SLCO1B3: variants seen among roughly 807,000 people sequenced by gnomAD.
SLCO1B3 encodes liver-specific organic anion transporter 2.
SLCO1B3 carries 72 observed loss-of-function variants against 71.8 expected under a neutral mutation model. The ratio of observed to expected loss-of-function variants is 1.00; its 90% CI spans 0.83 to 1.22. SLCO1B3 has a LOEUF of 1.22. Ranked by LOEUF, SLCO1B3 falls within the 50% of genes most tolerant of loss-of-function variation. The pLI is 0.00. For missense variants in SLCO1B3, 911 were observed against 819.7 expected, an observed-to-expected ratio of 1.11 and a Z score of -1.36; for synonymous variants, 298 against 278.4, an observed-to-expected ratio of 1.07 and a Z score of -0.70.
chr12:20,880,742 C>G (rs550060923), intron 11 of SLCO1B3, 113 bp from the exon 12 acceptor site: 41 of 607,986 alleles, frequency 6.7e-5, no homozygotes, highest in Middle Eastern at 9.3e-4. Flanking sequence ...CTCTTTTCCT[C>G]TTCTCTTCCT....
In SLCO1B3 at chr12:20,898,425, T is replaced by G; in HGVS notation, c.1683-11T>G. On this transcript the variant is annotated splice_polypyrimidine_tract_variant and intron_variant, in intron 13 of 15. Coordinates refer to ENST00000381545, the MANE Select transcript of SLCO1B3 (RefSeq NM_019844.4). ...GACATGTATTATTTCTTTGCCTTTA[T>G]CATATTTCAGGATTGTTCAACCTGA... The G allele has an allele frequency of 6.4e-7, 1 of 1,573,482 alleles. No individual in the cohort carries two copies.
At chr12:20,825,996 G>A (rs970259680) in intron 3 of SLCO1B3, among the ~76,000 whole-genome samples, 4 of 151,942 alleles carry the variant, frequency 2.6e-5, no homozygotes, top group Non-Finnish European at 5.9e-5. Flanking sequence ...TGTTAGACAA[G>A]TTAACAAAAA....
intron 3 of SLCO1B3, among the ~76,000 whole-genome samples, chr12:20,821,732 C>T (rs1033688881): frequency 5.9e-5 from 9 of 152,070 alleles, no homozygotes; most frequent in African/African-American, 1.4e-4. Flanking sequence ...GCGGGACTTG[C>T]GGCTAAGGGT....
chr12:20,839,271 TG>T (rs1452933347), intron 3 of SLCO1B3, among the ~76,000 whole-genome samples: 3 of 152,080 alleles, frequency 2.0e-5, no homozygotes, highest in Non-Finnish European at 1.5e-5. Flanking sequence ...TCTGTTTTTA[TG>T]AAGTTTTGAG....
intron 3 of SLCO1B3, among the ~76,000 whole-genome samples, chr12:20,849,892 A>G (rs2121204364): frequency 6.6e-6 from 1 of 151,972 alleles, no homozygotes; most frequent in South Asian, 2.1e-4. Flanking sequence ...ACTATAAAAC[A>G]TTGCTTAAAA....
chr12:20,872,352 G>T (rs1865491518), intron 8 of SLCO1B3, among the ~76,000 whole-genome samples: 1 of 150,796 alleles, frequency 6.6e-6, no homozygotes, highest in Non-Finnish European at 1.5e-5. Context: ...GCCCAGGGCA[G>T]GTCTAGAAAT....
chr12:20,829,958 T>A (rs978794796), intron 3 of SLCO1B3, among the ~76,000 whole-genome samples: 1 of 152,186 alleles, frequency 6.6e-6, no homozygotes, highest in African/African-American at 2.4e-5. Context: ...GGCCAGCTCC[T>A]TTACTGCAAC....
chr12:20,879,683 A>G, intron 11 of SLCO1B3, 52 bp downstream of exon 11: 1 of 1,185,132 alleles, frequency 8.4e-7, no homozygotes, highest in Non-Finnish European at 1.2e-6. Context: ...ATCAAATTAA[A>G]AGATTATGTG....
intron 3 of SLCO1B3, among the ~76,000 whole-genome samples, chr12:20,834,025 T>A (rs1227628683): frequency 6.9e-6 from 1 of 145,440 alleles, no homozygotes; most frequent in Non-Finnish European, 1.5e-5. Context: ...TGTATTATAT[T>A]TATATATGTA....
At chr12:20,901,855 G>A in intron 15 of SLCO1B3, 1 of 425,928 alleles carries the variant, frequency 2.3e-6, no homozygotes. Flanking sequence ...TGGTAATTGA[G>A]GAAAGAAATG....
chr12:20,823,788 C>T (rs1002892103), intron 3 of SLCO1B3, among the ~76,000 whole-genome samples: 2 of 152,128 alleles, frequency 1.3e-5, no homozygotes, highest in African/African-American at 4.8e-5. Flanking sequence ...CTTAAGAAAG[C>T]TTGGAGTTCC....
intron 3 of SLCO1B3, among the ~76,000 whole-genome samples, chr12:20,826,638 G>T (rs1591746111): frequency 1.3e-5 from 2 of 148,172 alleles, no homozygotes; most frequent in African/African-American, 4.9e-5. Flanking sequence ...GACTTTCTGT[G>T]TTATCCTAAA....
chr12:20,845,176 A>G, intron 3 of SLCO1B3: 1 of 394,252 alleles, frequency 2.5e-6, no homozygotes, highest in South Asian at 2.0e-5. Context: ...GACCCTATGT[A>G]CAAGGTAGCC....
chr12:20,853,123 A>G (rs1377556317), intron 3 of SLCO1B3, among the ~76,000 whole-genome samples: 1 of 152,112 alleles, frequency 6.6e-6, no homozygotes, highest in Non-Finnish European at 1.5e-5. Flanking sequence ...TTGCTGGATC[A>G]TGATGTGATT....
chr12:20,822,798 A>T (rs1013600547), intron 3 of SLCO1B3, among the ~76,000 whole-genome samples: 2 of 152,222 alleles, frequency 1.3e-5, no homozygotes, highest in African/African-American at 4.8e-5. Context: ...CTATCTGCTT[A>T]AGGAAGGGCA....
intron 8 of SLCO1B3, 145 bp from the exon 9 acceptor site, chr12:20,875,087 AAAG>A (rs1865549121): frequency 1.9e-6 from 2 of 1,077,820 alleles, no homozygotes; most frequent in Non-Finnish European, 1.4e-6. Context: ...CAAAATATGA[AAAG>A]AAGAAAATAG....
intron 13 of SLCO1B3, among the ~76,000 whole-genome samples, chr12:20,893,108 G>T (rs1490071117): frequency 6.6e-6 from 1 of 152,140 alleles, no homozygotes; most frequent in African/African-American, 2.4e-5. Context: ...GGAGCTTCTT[G>T]TAACAGATAT....
chr12:20,826,794 A>G (rs1202383357), intron 3 of SLCO1B3, among the ~76,000 whole-genome samples: 3 of 152,008 alleles, frequency 2.0e-5, no homozygotes, highest in Non-Finnish European at 4.4e-5. Context: ...TCTCTCTTAT[A>G]TACTAGTTTC....
chr12:20,831,707 C>A (rs987339498), intron 3 of SLCO1B3, among the ~76,000 whole-genome samples: 1 of 152,050 alleles, frequency 6.6e-6, no homozygotes, highest in Non-Finnish European at 1.5e-5. Flanking sequence ...AAAATAATTA[C>A]CAAAAATCTT....
Sources: allele counts gnomAD v4.1 joint callset (sites outside exome capture counted in the v4.1 genomes callset), GRCh38; gene constraint gnomAD v4.1.1; transcripts MANE v1.5; gene names NCBI Gene and HGNC (gene_info 2026-07-23, HGNC 2026-07-21).